Variants in EBF1 observed in about 807,000 individuals in gnomAD.
EBF1 encodes the protein EBF transcription factor 1, also known as transcription factor COE1.
EBF1 carries 10 observed loss-of-function variants against 68.4 expected under a neutral mutation model. The ratio of observed to expected loss-of-function variants is 0.15; its 90% CI spans 0.09 to 0.25. The LOEUF (loss-of-function observed/expected upper bound fraction) is 0.25. EBF1 is among the 10% of genes least tolerant of loss of function. The pLI is 1.00. For missense variants in EBF1, 509 were observed against 794.4 expected, an observed-to-expected ratio of 0.64 and a Z score of 4.32; for synonymous variants, 298 against 299.8, an observed-to-expected ratio of 0.99 and a Z score of 0.06.
chr5:158,943,029 G>A (rs1359268196), intron 6 of EBF1, among the ~76,000 whole-genome samples: 2 of 114,898 alleles, frequency 1.7e-5, no homozygotes, highest in Non-Finnish European at 1.7e-5. Flanking sequence ...GAGGGAGGGG[G>A]GAAGGAATGA....
chr5:158,877,411 C>T (rs1024487961), intron 6 of EBF1, among the ~76,000 whole-genome samples: 2 of 152,108 alleles, frequency 1.3e-5, no homozygotes, highest in Admixed American at 6.5e-5. Flanking sequence ...TGCTACATCT[C>T]GGCAAAAATT....
intron 6 of EBF1, among the ~76,000 whole-genome samples, chr5:158,852,229 G>C (rs1035684584): frequency 6.6e-6 from 1 of 151,766 alleles, no homozygotes; most frequent in African/African-American, 2.4e-5. Flanking sequence ...CCCAAGGTGT[G>C]GGGGGTGGGG....
chr5:158,762,658 C>T (rs1461411022), intron 10 of EBF1, among the ~76,000 whole-genome samples: 1 of 152,214 alleles, frequency 6.6e-6, no homozygotes, highest in East Asian at 1.9e-4. Context: ...GCCTCAGCCT[C>T]CCAAGTAGCT....
intron 8 of EBF1, among the ~76,000 whole-genome samples, chr5:158,814,607 T>G (rs1783360379): frequency 6.6e-6 from 1 of 152,210 alleles, no homozygotes; most frequent in South Asian, 2.1e-4. Context: ...ATGTTATTTC[T>G]AGCATGAGGT....
intron 6 of EBF1, among the ~76,000 whole-genome samples, chr5:158,894,470 T>C (rs1316179912): frequency 2.0e-5 from 3 of 152,188 alleles, no homozygotes; most frequent in Non-Finnish European, 2.9e-5. Flanking sequence ...TCTCCCCCTT[T>C]TTTACTCATA....
intron 6 of EBF1, chr5:158,982,870 G>A (rs946075457): frequency 1.3e-5 from 2 of 152,006 alleles, no homozygotes; most frequent in African/African-American, 2.4e-5. Context: ...AATTATCTTG[G>A]GAGGAAATCC....
intron 6 of EBF1, among the ~76,000 whole-genome samples, chr5:158,853,198 C>T (rs1363252844): frequency 6.6e-6 from 1 of 152,080 alleles, no homozygotes; most frequent in East Asian, 1.9e-4. Flanking sequence ...ACAACTTCGC[C>T]CTCACTCAAG....
At chr5:159,033,950 T>C (rs951969757) in intron 6 of EBF1, among the ~76,000 whole-genome samples, 9 of 152,174 alleles carry the variant, frequency 5.9e-5, no homozygotes, top group Non-Finnish European at 1.0e-4. Context: ...AAAAATGGTG[T>C]AATAAAAATG....
intron 10 of EBF1, among the ~76,000 whole-genome samples, chr5:158,740,817 T>C (rs974384672): frequency 6.6e-6 from 1 of 152,220 alleles, no homozygotes; most frequent in African/African-American, 2.4e-5. Flanking sequence ...CTGACTATTA[T>C]ACTCTAGAAC....
chr5:158,714,825 T>C (rs1050878935), intron 11 of EBF1, among the ~76,000 whole-genome samples: 2 of 152,148 alleles, frequency 1.3e-5, no homozygotes, highest in African/African-American at 2.4e-5. Context: ...TAATAGCAAT[T>C]ATTTGCTATT....
intron 6 of EBF1, among the ~76,000 whole-genome samples, chr5:158,953,765 T>G (rs763475755): frequency 2.0e-5 from 3 of 152,174 alleles, no homozygotes; most frequent in Non-Finnish European, 4.4e-5. Context: ...CTGGAAGTTC[T>G]CAGGAGCCCC....
intron 4 of EBF1, among the ~76,000 whole-genome samples, chr5:159,086,766 A>G (rs1231579224): frequency 6.6e-6 from 1 of 152,078 alleles, no homozygotes; most frequent in Non-Finnish European, 1.5e-5. Flanking sequence ...TACCCTATGC[A>G]ATTCATAACT....
chr5:158,879,705 A>C (rs1040051140), intron 6 of EBF1, among the ~76,000 whole-genome samples: 3 of 152,208 alleles, frequency 2.0e-5, no homozygotes, highest in Non-Finnish European at 2.9e-5. Flanking sequence ...TAGAACTTAA[A>C]GTATAATAAT....
intron 7 of EBF1, among the ~76,000 whole-genome samples, chr5:158,827,006 C>G (rs1786292616): frequency 6.6e-6 from 1 of 152,108 alleles, no homozygotes; most frequent in Non-Finnish European, 1.5e-5. Context: ...TCTCTGAGTC[C>G]CAGTGTCCCT....
intron 10 of EBF1, among the ~76,000 whole-genome samples, chr5:158,751,924 GT>G (rs1768987136): frequency 6.6e-6 from 1 of 151,946 alleles, no homozygotes; most frequent in Non-Finnish European, 1.5e-5. Flanking sequence ...GATTGTAGTG[GT>G]TTTAGATGGT....
chr5:159,011,034 G>A (rs1479960264), intron 6 of EBF1, among the ~76,000 whole-genome samples: 1 of 152,162 alleles, frequency 6.6e-6, no homozygotes, highest in African/African-American at 2.4e-5. Context: ...TTGCGGGGAG[G>A]GTGAGCCCTG....
chr5:159,042,567 G>GA (rs570886220), intron 6 of EBF1, among the ~76,000 whole-genome samples: 17 of 143,258 alleles, frequency 1.2e-4, no homozygotes, highest in South Asian at 4.5e-4. Context: ...TTTCCCAAAG[G>GA]AAAAAAAAAA....
chr5:158,702,525 TAAAAAC>T (rs1561671524), intron 15 of EBF1, among the ~76,000 whole-genome samples: 1 of 151,858 alleles, frequency 6.6e-6, no homozygotes, highest in Non-Finnish European at 1.5e-5. Context: ...ATATTTTTGA[TAAAAAC>T]AAAGACAAAA....
At position 158,699,151 on chromosome 5, in the gene EBF1, G is replaced by GAAAA. The variant is rs1416337615; in HGVS notation, c.1745-13_1745-10dup. 6.3e-7 allele frequency: 1 copy of GAAAA among 1,596,490 alleles called. No homozygotes were observed. The highest frequency in any genetic ancestry group is 8.5e-7 in the Non-Finnish European group (1 of 1,170,928). On this transcript the variant is annotated splice_polypyrimidine_tract_variant and intron_variant, in intron 15 of 15. Transcript: ENST00000313708. The stretch of plus-strand genomic sequence containing the variant: ...AATCATGCCAGATATCGCTATGAAA[G>GAAAA]AAAAGACAGAAGTCAATGGTTTCTT...
Sources: gnomAD v4.1 joint callset for allele counts (sites outside exome capture counted in the v4.1 genomes callset) on GRCh38, gnomAD v4.1.1 for gene constraint, MANE v1.5 for transcripts, NCBI Gene and HGNC (gene_info 2026-07-23, HGNC 2026-07-21) for gene names.